The following RTN4IP1 variants were observed in gnomAD, a reference collection of about 807,000 sequenced individuals.
RTN4IP1 encodes the protein NAD(P)H oxidoreductase RTN4IP1, mitochondrial.
A neutral mutation model predicts 46.6 loss-of-function variants in RTN4IP1; 32 were observed. The ratio of observed to expected loss-of-function variants is 0.69; its 90% CI spans 0.52 to 0.92. RTN4IP1 has a LOEUF of 0.92. Among genes scored for constraint, RTN4IP1 ranks in the 40% least tolerant of loss-of-function variants. The pLI is 0.00. For missense variants in RTN4IP1, 424 were observed against 485.8 expected (o/e 0.87, Z 1.20); for synonymous variants, 167 against 161.8 (o/e 1.03, Z -0.24).
chr6:106,612,509 C>G (rs987985198), intron 4 of RTN4IP1, among the ~76,000 whole-genome samples: 3 of 150,702 alleles, frequency 2.0e-5, no homozygotes, highest in African/African-American at 7.3e-5. Context: ...TTCACTTACA[C>G]AAGGCCCAGA....
chr6:106,594,682 T>A (rs1323733661), intron 5 of RTN4IP1, among the ~76,000 whole-genome samples: 1 of 152,200 alleles, frequency 6.6e-6, no homozygotes, highest in Non-Finnish European at 1.5e-5. Context: ...TTTATAGTAA[T>A]CACCTCCTTG....
chr6:106,581,544 T>C (rs1357980621), intron 8 of RTN4IP1, among the ~76,000 whole-genome samples: 2 of 152,076 alleles, frequency 1.3e-5, no homozygotes, highest in African/African-American at 4.8e-5. Flanking sequence ...CATACCAACT[T>C]CACAGTCCCA....
At chr6:106,579,868 A>T (rs1775316021) in intron 8 of RTN4IP1, among the ~76,000 whole-genome samples, 2 of 151,750 alleles carry the variant, frequency 1.3e-5, no homozygotes, top group African/African-American at 2.4e-5. Context: ...CCCACCTCAA[A>T]CTTTTAAGTA....
upstream of RTN4IP1, chr6:106,629,702 A>G (rs142692484): frequency 6.2e-7 from 1 of 1,606,444 alleles, no homozygotes; most frequent in Non-Finnish European, 8.5e-7. Flanking sequence ...GGAGCCTCCG[A>G]GAAGTGAGTG....
intron 8 of RTN4IP1, among the ~76,000 whole-genome samples, chr6:106,583,107 G>A (rs2114628403): frequency 6.6e-6 from 1 of 152,324 alleles, no homozygotes; most frequent in East Asian, 1.9e-4. Context: ...GGTTTGACTA[G>A]ATGAGAGAAG....
chr6:106,610,324 A>C (rs537152830), intron 4 of RTN4IP1, among the ~76,000 whole-genome samples: 1 of 152,294 alleles, frequency 6.6e-6, no homozygotes, highest in African/African-American at 2.4e-5. Context: ...TCAGCCTCCC[A>C]AAGTGCTGGG....
At chr6:106,616,528 C>A (rs755692759) in intron 4 of RTN4IP1, among the ~76,000 whole-genome samples, 1 of 151,894 alleles carries the variant, frequency 6.6e-6, no homozygotes, top group African/African-American at 2.4e-5. Flanking sequence ...ATAACAAATA[C>A]TGATGTGCTT....
chr6:106,601,232 C>T (rs1029343535), intron 5 of RTN4IP1, among the ~76,000 whole-genome samples: 3 of 152,094 alleles, frequency 2.0e-5, no homozygotes, highest in South Asian at 4.1e-4. Context: ...GGAGAAATGT[C>T]AATTCAAGTT....
chr6:106,615,778 A>T (rs1040579172), intron 4 of RTN4IP1, among the ~76,000 whole-genome samples: 2 of 152,216 alleles, frequency 1.3e-5, no homozygotes, highest in Admixed American at 1.3e-4. Context: ...TATTCAAAAA[A>T]TATCCGGTTG....
chr6:106,582,811 A>G (rs1775401033), intron 8 of RTN4IP1, among the ~76,000 whole-genome samples: 1 of 152,152 alleles, frequency 6.6e-6, no homozygotes, highest in Admixed American at 6.5e-5. Flanking sequence ...TTTCCCACAG[A>G]GTCCACGGCA....
At chr6:106,608,454 T>C (rs1776140309) in intron 4 of RTN4IP1, among the ~76,000 whole-genome samples, 1 of 152,234 alleles carries the variant, frequency 6.6e-6, no homozygotes, top group Non-Finnish European at 1.5e-5. Context: ...TAATAATTTA[T>C]TGTATACTTT....
rs766971859 is a variant in RTN4IP1 at position 106,571,882 on chromosome 6, T to C, written c.*114A>G. On this transcript the variant is annotated 3_prime_UTR_variant, in exon 9 of 9. Coordinates refer to ENST00000369063, the MANE Select transcript of RTN4IP1 (RefSeq NM_032730.5). ...TGTTTATTTTTTAAAGCTTGTATCA[T>C]GGAATGTATAATCTAATCTGGAAAA... The C allele has an allele frequency of 4.6e-6, 3 of 648,108 alleles. No individual in the cohort carries two copies. Among genetic ancestry groups the C allele is most frequent in the Non-Finnish European group, 8.2e-6 (3 of 365,690 alleles). 40.1% of individuals were successfully genotyped at this position (648,108 alleles called of 1,614,324 possible).
chr6:106,580,458 T>G (rs1775337958), intron 8 of RTN4IP1, among the ~76,000 whole-genome samples: 1 of 151,876 alleles, frequency 6.6e-6, no homozygotes, highest in Admixed American at 6.6e-5. Flanking sequence ...GTGGCTCATG[T>G]CTGTAATCCC....
In RTN4IP1 at chr6:106,601,468, A is replaced by C. The variant is rs148883718; in HGVS notation, c.669+1406T>G. On this transcript the variant is annotated intron_variant, in intron 5 of 8. Transcript: ENST00000369063. ...TGTGCTTTGGGTGTCATATCTAAAA[A>C]TCTGTTGCCAAATCTACAATCATGA... 6.4e-3 allele frequency among the ~76,000 whole-genome samples: 979 copies of C among 152,182 alleles called. 10 individuals carry two copies. Among genetic ancestry groups the C allele is most frequent in the African/African-American group, 0.023 (949 of 41,528 alleles).
Position 106,592,297 on chromosome 6 carries a change from T to C in RTN4IP1, c.673A>G (p.Met225Val), listed in dbSNP as rs1408580131. 1 of 1,612,104 alleles carries C rather than the reference T, an allele frequency of 6.2e-7. No individual in the cohort carries two copies. The highest frequency in any genetic ancestry group is 8.5e-7 in the Non-Finnish European group (1 of 1,179,594). Residue 225 changes from methionine (M) to valine (V), a missense_variant, in exon 6 of 9, where the codon ATG (methionine) becomes GTG (valine). Coordinates refer to ENST00000369063, the MANE Select transcript of RTN4IP1 (RefSeq NM_032730.5). ...GGVGTFAIQV[M>V]KAWDAHVTAV... Reference sequence around the variant, plus strand: ...GTCACATGAGCATCCCATGCTTTCATTACCTGCCCCCCACCAAAAAGAAAA... The same window carrying C: ...GTCACATGAGCATCCCATGCTTTCACTACCTGCCCCCCACCAAAAAGAAAA...
At chr6:106,584,649 G>T (rs1347518812) in intron 7 of RTN4IP1, among the ~76,000 whole-genome samples, 1 of 152,230 alleles carries the variant, frequency 6.6e-6, no homozygotes, top group African/African-American at 2.4e-5. Context: ...AGGATTGTTG[G>T]AAGGATTAAA....
In RTN4IP1 at chr6:106,571,589, C is replaced by T. The variant is rs1775060361; in HGVS notation, c.*407G>A. 5.9e-6 allele frequency: 1 copy of T among 168,104 alleles called. No homozygotes were observed. The highest frequency in any genetic ancestry group is 1.3e-5 in the Non-Finnish European group (1 of 78,000). The allele number at this position is 168,104 out of a possible 1,614,324, so 10.4% of individuals were successfully genotyped here. The stretch of plus-strand genomic sequence containing the variant: ...TGATGCATACCTGTAGTCCTACCTA[C>T]TTGAGAGGCTGAAGCAGGAGAATCG... On this transcript the variant is annotated 3_prime_UTR_variant, in exon 9 of 9. Coordinates refer to ENST00000369063, the MANE Select transcript of RTN4IP1 (RefSeq NM_032730.5).
chr6:106,600,949 A>G (rs1775931858), intron 5 of RTN4IP1, among the ~76,000 whole-genome samples: 1 of 152,130 alleles, frequency 6.6e-6, no homozygotes, highest in African/African-American at 2.4e-5. Flanking sequence ...GTATATACCT[A>G]AGAATGGAAT....
chr6:106,584,646 T>C (rs1339808103), intron 7 of RTN4IP1, among the ~76,000 whole-genome samples: 1 of 152,246 alleles, frequency 6.6e-6, no homozygotes, highest in African/African-American at 2.4e-5. Context: ...TGCAGGATTG[T>C]TGGAAGGATT....
Sources: gnomAD v4.1 joint callset for allele counts (sites outside exome capture counted in the v4.1 genomes callset) on GRCh38, gnomAD v4.1.1 for gene constraint, MANE v1.5 for transcripts, NCBI Gene and HGNC (gene_info 2026-07-23, HGNC 2026-07-21) for gene names.